LRP1B: variants seen among roughly 807,000 people sequenced by gnomAD.
The protein encoded by LRP1B is LDL receptor related protein 1B, also known as low-density lipoprotein receptor-related protein 1B.
In LRP1B, 217 loss-of-function variants were observed where a neutral mutation model predicts 556.6. The ratio of observed to expected loss-of-function variants is 0.39; its 90% CI spans 0.35 to 0.44. LRP1B has a LOEUF of 0.44. Ranked by LOEUF, LRP1B falls within the 20% of genes least tolerant of loss-of-function variation. The pLI, the probability that LRP1B is intolerant of heterozygous loss-of-function variation, is 1.00. For missense variants in LRP1B, 5,053 were observed against 5,620.8 expected, an observed-to-expected ratio of 0.90 and a Z score of 3.23; for synonymous variants, 2,047 against 1,865.8, an observed-to-expected ratio of 1.10 and a Z score of -2.50.
chr2:141,489,692 C>A (rs995969877), intron 2 of LRP1B, among the ~76,000 whole-genome samples: 1 of 152,000 alleles, frequency 6.6e-6, no homozygotes, highest in Non-Finnish European at 1.5e-5. Context: ...ATTACTTTTA[C>A]GTCTGAGCTA....
At chr2:141,331,801 A>G (rs2714187) in intron 3 of LRP1B, among the ~76,000 whole-genome samples, 89,471 of 151,738 alleles carry the variant, frequency 0.59, 27,446 homozygotes, top group African/African-American at 0.71. Context: ...GTCTGTTAAG[A>G]TTGAGATATG....
intron 2 of LRP1B, among the ~76,000 whole-genome samples, chr2:141,658,343 C>T (rs1267600109): frequency 6.6e-6 from 1 of 152,142 alleles, no homozygotes; most frequent in East Asian, 1.9e-4. Flanking sequence ...TAGTTTATTT[C>T]AAACCACAAA....
intron 53 of LRP1B, among the ~76,000 whole-genome samples, chr2:140,506,331 A>G (rs1343358387): frequency 1.3e-5 from 2 of 151,932 alleles, no homozygotes; most frequent in African/African-American, 2.4e-5. Context: ...TGCGACCTCT[A>G]CTTCCTGGGT....
At chr2:141,646,452 C>T (rs1689567494) in intron 2 of LRP1B, among the ~76,000 whole-genome samples, 1 of 152,090 alleles carries the variant, frequency 6.6e-6, no homozygotes, top group Non-Finnish European at 1.5e-5. Flanking sequence ...CTGTGATACA[C>T]AGTGCTGTGC....
chr2:140,890,101 TA>T (rs5834787), intron 23 of LRP1B, among the ~76,000 whole-genome samples: 70,083 of 149,692 alleles, frequency 0.47, 17,670 homozygotes, highest in African/African-American at 0.67. Context: ...ATTTATTAGT[TA>T]AAAAAAAAAA....
intron 19 of LRP1B, 135 bp downstream of exon 19, chr2:140,951,725 G>A (rs148857906): frequency 9.4e-5 from 59 of 629,122 alleles, no homozygotes; most frequent in Middle Eastern, 5.1e-4. Context: ...CTAGCTGCCC[G>A]CTCACCACTT....
intron 29 of LRP1B, among the ~76,000 whole-genome samples, chr2:140,849,409 CCAA>C (rs1559155034): frequency 2.8e-4 from 9 of 31,800 alleles, no homozygotes; most frequent in African/African-American, 6.1e-4. Flanking sequence ...AAAACAAAAT[CCAA>C]AAAAAAAAAA....
chr2:141,791,795 G>C (rs1013782383), intron 2 of LRP1B, among the ~76,000 whole-genome samples: 1 of 151,976 alleles, frequency 6.6e-6, no homozygotes, highest in Non-Finnish European at 1.5e-5. Flanking sequence ...GCCCTCTTGA[G>C]TTTTCAAATT....
intron 3 of LRP1B, among the ~76,000 whole-genome samples, chr2:141,271,784 A>C (rs1021232917): frequency 2.0e-5 from 3 of 148,102 alleles, no homozygotes; most frequent in South Asian, 2.1e-4. Flanking sequence ...AAAAAAAAAA[A>C]CCCAGGATTG....
intron 25 of LRP1B, among the ~76,000 whole-genome samples, chr2:140,876,963 G>A (rs74822253): frequency 0.026 from 3,922 of 152,190 alleles, 73 homozygotes; most frequent in Middle Eastern, 0.041. Flanking sequence ...TTCTAATCTT[G>A]CCTAATGTTT....
intron 45 of LRP1B, among the ~76,000 whole-genome samples, chr2:140,540,093 A>C (rs887636313): frequency 6.6e-6 from 1 of 152,102 alleles, no homozygotes; most frequent in Admixed American, 6.6e-5. Flanking sequence ...AGAGAGTAAA[A>C]ATCGACTGAA....
intron 43 of LRP1B, among the ~76,000 whole-genome samples, chr2:140,558,715 G>C (rs999176445): frequency 6.6e-6 from 1 of 151,924 alleles, no homozygotes; most frequent in Admixed American, 6.6e-5. Flanking sequence ...AAGGCGAGGG[G>C]ATCACTTGAG....
chr2:141,084,914 G>A (rs6745551), intron 7 of LRP1B, among the ~76,000 whole-genome samples: 126,168 of 151,914 alleles, frequency 0.83, 52,624 homozygotes, highest in East Asian at 0.88. Context: ...CTCCCAAAGT[G>A]CTGGGATTAC....
chr2:141,618,835 T>C (rs1688403439), intron 2 of LRP1B, among the ~76,000 whole-genome samples: 1 of 152,194 alleles, frequency 6.6e-6, no homozygotes, highest in African/African-American at 2.4e-5. Flanking sequence ...GTAACTGAAT[T>C]AAGGGAGTCC....
chr2:141,957,273 G>A (rs1339447650), intron 1 of LRP1B, among the ~76,000 whole-genome samples: 2 of 151,532 alleles, frequency 1.3e-5, no homozygotes, highest in Non-Finnish European at 2.9e-5. Flanking sequence ...TGGGCTGGGA[G>A]ATTCCCCAGT....
At chr2:141,272,972 G>A (rs1197105747) in intron 3 of LRP1B, among the ~76,000 whole-genome samples, 2 of 152,150 alleles carry the variant, frequency 1.3e-5, no homozygotes, top group Admixed American at 6.5e-5. Flanking sequence ...ACTAGACCTA[G>A]TTGACATCTA....
At chr2:141,711,298 T>C (rs1238782110) in intron 2 of LRP1B, among the ~76,000 whole-genome samples, 1 of 152,200 alleles carries the variant, frequency 6.6e-6, no homozygotes, top group Non-Finnish European at 1.5e-5. Context: ...CTCCAGGGAA[T>C]ATTGGAATTC....
chr2:142,025,879 G>A (rs1000612431), intron 1 of LRP1B, among the ~76,000 whole-genome samples: 2 of 152,062 alleles, frequency 1.3e-5, no homozygotes, highest in Non-Finnish European at 2.9e-5. Context: ...AGCAGGTTTC[G>A]AATTACAATG....
At chr2:141,820,772 C>T (rs775622390) in intron 1 of LRP1B, among the ~76,000 whole-genome samples, 2 of 152,050 alleles carry the variant, frequency 1.3e-5, no homozygotes, top group African/African-American at 2.4e-5. Context: ...TAAGATGGAT[C>T]GAGAGACAAG....
Sources: allele counts gnomAD v4.1 joint callset (sites outside exome capture counted in the v4.1 genomes callset), GRCh38; gene constraint gnomAD v4.1.1; transcripts MANE v1.5; gene names NCBI Gene and HGNC (gene_info 2026-07-23, HGNC 2026-07-21).